The following USP42 variants were observed in gnomAD, a reference collection of about 807,000 sequenced individuals.
USP42 encodes ubiquitin carboxyl-terminal hydrolase 42.
In USP42, 23 loss-of-function variants were observed where a neutral mutation model predicts 113.0. The observed-to-expected ratio is 0.20, with a 90% CI of 0.15 to 0.29. The LOEUF (loss-of-function observed/expected upper bound fraction) is 0.29, where lower values mean the gene tolerates loss of function less well. Ranked by LOEUF, USP42 falls within the 10% of genes least tolerant of loss-of-function variation. The pLI, the probability that USP42 is intolerant of heterozygous loss-of-function variation, is 1.00. For missense variants in USP42, 2,174 were observed against 1,779.8 expected, an observed-to-expected ratio of 1.22 and a Z score of -3.99; for synonymous variants, 933 against 699.0, an observed-to-expected ratio of 1.33 and a Z score of -5.28.
the USP42 span, among the ~76,000 whole-genome samples, chr7:6,092,102 CTT>C: frequency 7.6e-6 from 1 of 132,240 alleles, no homozygotes; most frequent in Admixed American, 7.6e-5. Context: ...TCTTCCTCCT[CTT>C]CTTCTTCTTC....
rs539923897 is a variant in USP42 at position 6,158,180 on chromosome 7, C to T, written c.3943+1125C>T. On this transcript the variant is annotated intron_variant, in intron 16 of 17. Transcript: ENST00000306177. This position sits in a 1 kb window ranked among gnomAD's most constrained non-coding sequence, Gnocchi z 4.2. ...GAAATTCAGACCTCAGTGTCTGTGG[C>T]TTGATTGGGGCGCAGCCAGGTGCGT... 2.4e-4 allele frequency among the ~76,000 whole-genome samples: 36 copies of T among 152,364 alleles called. No individual in the cohort carries two copies. Among genetic ancestry groups the T allele is most frequent in the Admixed American group, 2.4e-3 (36 of 15,310 alleles).
intron 6 of USP42, among the ~76,000 whole-genome samples, chr7:6,140,642 G>T (rs1159417295): frequency 1.3e-5 from 2 of 152,124 alleles, no homozygotes; most frequent in South Asian, 4.1e-4. Flanking sequence ...TGGATCACAG[G>T]GAGTGTGTAT....
At chr7:6,138,002 T>C (rs903479052) in intron 4 of USP42, among the ~76,000 whole-genome samples, 15 of 152,202 alleles carry the variant, frequency 9.9e-5, no homozygotes, top group African/African-American at 3.4e-4. Flanking sequence ...TTTATACATA[T>C]TTATATAGCA....
upstream of USP42, chr7:6,104,767 G>A (rs895673255): frequency 2.6e-5 from 4 of 152,056 alleles, no homozygotes; most frequent in South Asian, 2.1e-4. Flanking sequence ...CGGCTCTTGG[G>A]CGACGACCCC....
At chr7:6,124,292 G>C (rs1205840572) in intron 3 of USP42, among the ~76,000 whole-genome samples, 1 of 151,828 alleles carries the variant, frequency 6.6e-6, no homozygotes, top group Non-Finnish European at 1.5e-5. Flanking sequence ...TTTTGAGACG[G>C]ATTCTCGCTC....
intron 3 of USP42, among the ~76,000 whole-genome samples, chr7:6,133,919 C>G (rs1780989061): frequency 1.4e-5 from 2 of 141,396 alleles, no homozygotes; most frequent in South Asian, 4.4e-4. Context: ...GAGACAGCGT[C>G]TTGCTCTGTC....
At chr7:6,090,998 C>G in the USP42 span, among the ~76,000 whole-genome samples, 1 of 150,642 alleles carries the variant, frequency 6.6e-6, no homozygotes, top group Non-Finnish European at 1.5e-5. Flanking sequence ...AATTTGAAGA[C>G]ATATGACGCC....
intron 4 of USP42, among the ~76,000 whole-genome samples, chr7:6,137,504 G>A (rs1265092130): frequency 3.3e-5 from 5 of 152,106 alleles, no homozygotes; most frequent in Non-Finnish European, 5.9e-5. Flanking sequence ...GATTACAGAC[G>A]TGTACCACCA....
chr7:6,129,538 C>CA (rs935647545), intron 3 of USP42, among the ~76,000 whole-genome samples: 7 of 118,680 alleles, frequency 5.9e-5, no homozygotes, highest in Middle Eastern at 6.2e-3. Context: ...GGCTGGGTGA[C>CA]AAAGTGAGGC....
Position 6,161,278 on chromosome 7 carries a change from G to GTT in USP42, c.*762_*763dup, listed in dbSNP as rs1048573298. Reference sequence around the variant, plus strand: ...TCCGTTGTCTGCTTGGTCCCTTCGAGTTTCTAGTTACAGACACAATCATAC... The same window carrying GTT: ...TCCGTTGTCTGCTTGGTCCCTTCGAGTTTTTCTAGTTACAGACACAATCATAC... On this transcript the variant is annotated 3_prime_UTR_variant, in exon 18 of 18. Transcript: ENST00000306177. The GTT allele has an allele frequency of 2.0e-4, 31 of 152,430 alleles. 1 individual carries two copies. The highest frequency in any genetic ancestry group is 3.2e-3 in the Middle Eastern group (1 of 316). 9.4% of individuals were successfully genotyped at this position (152,430 alleles called of 1,614,324 possible). A position where few individuals can be genotyped will look rare whatever the true frequency, so the allele number is the denominator to read the frequency against.
chr7:6,148,233 A>C (rs1344732028), intron 12 of USP42, among the ~76,000 whole-genome samples: 1 of 152,080 alleles, frequency 6.6e-6, no homozygotes, highest in Non-Finnish European at 1.5e-5. Flanking sequence ...GCTGCTCAGG[A>C]GGCTGAGGCA....
At chr7:6,117,029 T>C (rs919073661) in intron 3 of USP42, 33 of 358,360 alleles carry the variant, frequency 9.2e-5, no homozygotes, top group Middle Eastern at 9.9e-4. Flanking sequence ...TTTTCCCAGC[T>C]TTACTGAAGT....
Position 6,149,896 on chromosome 7 carries a change from C to G in USP42, c.1700C>G (p.Ser567Trp). 3 of 1,614,044 alleles carry G rather than the reference C, an allele frequency of 1.9e-6. No individual in the cohort carries two copies. Among genetic ancestry groups the G allele is most frequent in the Non-Finnish European group, 1.7e-6 (2 of 1,179,906 alleles). Residue 567 changes from serine (S) to tryptophan (W), a missense_variant, in exon 13 of 18, where the codon TCG becomes TGG. By Grantham distance (177) the Ser-to-Trp change is radical. Transcript: ENST00000306177. Reference sequence around the variant, plus strand: ...ACCAATTCTGCAGTACAGTCTACCTCGAACGCATCTACGATGTCAGTTTCT... The same window carrying G: ...ACCAATTCTGCAGTACAGTCTACCTGGAACGCATCTACGATGTCAGTTTCT... ...TITNSAVQST[S>W]NASTMSVSSK...
intron 3 of USP42, among the ~76,000 whole-genome samples, chr7:6,117,285 T>A (rs186050989): frequency 6.6e-6 from 1 of 152,286 alleles, no homozygotes. Context: ...GTGTTGCTTA[T>A]GTGGAATTGT....
chr7:6,113,132 T>C (rs927669392), intron 2 of USP42, among the ~76,000 whole-genome samples: 16 of 151,992 alleles, frequency 1.1e-4, no homozygotes, highest in African/African-American at 3.1e-4. Flanking sequence ...TTCAAACTTA[T>C]AATCCACCCG....
At chr7:6,107,004 C>G (rs995565215) in intron 1 of USP42, among the ~76,000 whole-genome samples, 1 of 152,204 alleles carries the variant, frequency 6.6e-6, no homozygotes, top group Non-Finnish European at 1.5e-5. Flanking sequence ...ATCTTAAGTC[C>G]TACATAACAT....
Position 6,111,251 on chromosome 7 carries a change from G to T in USP42, c.118G>T (p.Ala40Ser). Residue 40 changes from alanine (A) to serine (S), a missense_variant, in exon 2 of 18, where the codon GCT (alanine) becomes TCT (serine). By Grantham distance (99) the Ala-to-Ser change is moderately conservative. Coordinates refer to ENST00000306177, the MANE Select transcript of USP42 (RefSeq NM_032172.3). ...DMDAGSASWG[A>S]VSSLNDVSNH... ...GGATGCAGGTTCTGCCAGCTGGGGT[G>T]CTGTGTCTTCATTGAATGATGTGTC... 6.2e-7 allele frequency: 1 copy of T among 1,608,488 alleles called. No homozygotes were observed. The highest frequency in any genetic ancestry group is 8.5e-7 in the Non-Finnish European group (1 of 1,177,200).
At chr7:6,117,324 T>G (rs540183847) in intron 3 of USP42, among the ~76,000 whole-genome samples, 1 of 152,222 alleles carries the variant, frequency 6.6e-6, no homozygotes, top group Non-Finnish European at 1.5e-5. Flanking sequence ...TTATCTCGCT[T>G]CTTTCACTCA....
Position 6,139,235 on chromosome 7 carries a change from C to T in USP42, c.656+41C>T. 7.0e-7 allele frequency: 1 copy of T among 1,426,122 alleles called. No homozygotes were observed. Among genetic ancestry groups the T allele is most frequent in the South Asian group, 1.3e-5 (1 of 77,346 alleles). The allele number at this position is 1,426,122 out of a possible 1,614,324, so 88.3% of individuals were successfully genotyped here. A position where few individuals can be genotyped will look rare whatever the true frequency, so the allele number is the denominator to read the frequency against. ...CGCCAGCCATGTCTTCATTGGGGAT[C>T]TCTGGTTGTAGTTTATTCTTATCAG... On this transcript the variant is annotated intron_variant, in intron 5 of 17. Coordinates refer to ENST00000306177, the MANE Select transcript of USP42 (RefSeq NM_032172.3). This position sits in a 1 kb window ranked among gnomAD's most constrained non-coding sequence, Gnocchi z 4.5.
Sources: gnomAD v4.1 joint callset for allele counts (sites outside exome capture counted in the v4.1 genomes callset) on GRCh38, gnomAD v4.1.1 for gene constraint, Gnocchi (gnomAD v3.1) non-coding constraint, MANE v1.5 for transcripts, NCBI Gene and HGNC (gene_info 2026-07-23, HGNC 2026-07-21) for gene names.